The following CPPED1 variants were observed in gnomAD, a reference collection of about 807,000 sequenced individuals.
CPPED1 encodes the protein calcineurin like phosphoesterase domain containing 1.
A neutral mutation model predicts 28.0 loss-of-function variants in CPPED1; 28 were observed. The observed-to-expected ratio is 1.00, with a 90% CI of 0.74 to 1.37. The LOEUF (loss-of-function observed/expected upper bound fraction) is 1.37, where lower values mean the gene tolerates loss of function less well. CPPED1 is among the 40% of genes most tolerant of loss of function. The pLI, the probability that CPPED1 is intolerant of heterozygous loss-of-function variation, is 0.00. For missense variants in CPPED1, 504 were observed against 416.5 expected (o/e 1.21, Z -1.83); for synonymous variants, 198 against 180.2 (o/e 1.10, Z -0.79).
intron 1 of CPPED1, among the ~76,000 whole-genome samples, chr16:12,796,857 C>G (rs1194323563): frequency 6.6e-6 from 1 of 152,026 alleles, no homozygotes; most frequent in African/African-American, 2.4e-5. Context: ...AAAAAATGTC[C>G]AAATGTTTAT....
At chr16:12,733,264 C>T (rs1008226563) in intron 2 of CPPED1, among the ~76,000 whole-genome samples, 3 of 145,610 alleles carry the variant, frequency 2.1e-5, no homozygotes, top group Non-Finnish European at 3.0e-5. Flanking sequence ...TGATACGACC[C>T]GAATTAGGAA....
intron 2 of CPPED1, among the ~76,000 whole-genome samples, chr16:12,770,229 T>G (rs991788848): frequency 6.6e-6 from 1 of 152,146 alleles, no homozygotes; most frequent in African/African-American, 2.4e-5. Context: ...GTGCTCTCAG[T>G]GCAAATGGCG....
At chr16:12,701,503 C>T (rs1222938702) in intron 3 of CPPED1, among the ~76,000 whole-genome samples, 1 of 152,180 alleles carries the variant, frequency 6.6e-6, no homozygotes, top group African/African-American at 2.4e-5. Flanking sequence ...TGCCACTGCA[C>T]TACAGCCTGG....
intron 2 of CPPED1, among the ~76,000 whole-genome samples, chr16:12,763,239 A>C (rs2080420432): frequency 6.6e-6 from 1 of 151,670 alleles, no homozygotes; most frequent in African/African-American, 2.4e-5. Flanking sequence ...CCTTGAAAAA[A>C]AAAAAAAAGA....
chr16:12,708,633 T>C (rs2080064059), intron 2 of CPPED1, among the ~76,000 whole-genome samples: 1 of 152,242 alleles, frequency 6.6e-6, no homozygotes, highest in Non-Finnish European at 1.5e-5. Flanking sequence ...AAATCCTAGA[T>C]TACAAAAACC....
At chr16:12,712,133 C>G (rs1444028851) in intron 2 of CPPED1, among the ~76,000 whole-genome samples, 1 of 152,220 alleles carries the variant, frequency 6.6e-6, no homozygotes, top group Non-Finnish European at 1.5e-5. Flanking sequence ...GAGGCCACAC[C>G]TGTCCTGCAG....
At chr16:12,722,988 C>T (rs750137010) in intron 2 of CPPED1, among the ~76,000 whole-genome samples, 2 of 152,104 alleles carry the variant, frequency 1.3e-5, no homozygotes, top group Non-Finnish European at 2.9e-5. Context: ...CTCTCCTCAC[C>T]CCTATTTCAG....
chr16:12,723,749 G>A (rs2080154722), intron 2 of CPPED1, among the ~76,000 whole-genome samples: 1 of 152,174 alleles, frequency 6.6e-6, no homozygotes, highest in Non-Finnish European at 1.5e-5. Flanking sequence ...CTTACCTGAA[G>A]CCTCCTGATG....
intron 2 of CPPED1, among the ~76,000 whole-genome samples, chr16:12,736,412 G>A (rs777392321): frequency 6.6e-6 from 1 of 151,978 alleles, no homozygotes; most frequent in Admixed American, 6.6e-5. Context: ...GCTAATTTTT[G>A]TATTTTTAGT....
At chr16:12,755,409 G>A (rs1248564261) in intron 2 of CPPED1, among the ~76,000 whole-genome samples, 1 of 151,040 alleles carries the variant, frequency 6.6e-6, no homozygotes, top group East Asian at 2.0e-4. Flanking sequence ...AGCCTCCTGA[G>A]TAGCTGGGAC....
chr16:12,797,054 C>T (rs1426016466), intron 1 of CPPED1, among the ~76,000 whole-genome samples: 1 of 152,148 alleles, frequency 6.6e-6, no homozygotes, highest in Non-Finnish European at 1.5e-5. Flanking sequence ...AAAGGCCCAT[C>T]TATGGAGGTA....
chr16:12,726,411 C>A (rs893176569), intron 2 of CPPED1, among the ~76,000 whole-genome samples: 2 of 144,884 alleles, frequency 1.4e-5, no homozygotes, highest in African/African-American at 5.1e-5. Flanking sequence ...GGGGTGATCT[C>A]AGCTCACTAC....
chr16:12,759,163 TAAAAAAAAAAAAA>T (rs61373635), intron 2 of CPPED1: 4 of 74,364 alleles, frequency 5.4e-5, no homozygotes, highest in Non-Finnish European at 7.2e-5. Context: ...ACTCTGTCTC[TAAAAAAAAAAAAA>T]AAAAAAAAAA....
chr16:12,763,083 T>C (rs913634938), intron 2 of CPPED1, among the ~76,000 whole-genome samples: 2 of 151,684 alleles, frequency 1.3e-5, no homozygotes, highest in South Asian at 4.2e-4. Context: ...AATACAAAAA[T>C]TAGCCGGGTG....
intron 1 of CPPED1, among the ~76,000 whole-genome samples, chr16:12,796,236 G>C (rs1021509186): frequency 6.6e-6 from 1 of 152,056 alleles, no homozygotes; most frequent in Non-Finnish European, 1.5e-5. Flanking sequence ...GCTCATGCCT[G>C]TAATCCCAGC....
chr16:12,675,186 T>A (rs1397562629), intron 3 of CPPED1, among the ~76,000 whole-genome samples: 1 of 152,188 alleles, frequency 6.6e-6, no homozygotes, highest in Non-Finnish European at 1.5e-5. Context: ...GGGTATTGAT[T>A]TTAGTGATGT....
chr16:12,748,483 T>C (rs1031877120), intron 2 of CPPED1, among the ~76,000 whole-genome samples: 2 of 152,230 alleles, frequency 1.3e-5, no homozygotes, highest in African/African-American at 4.8e-5. Flanking sequence ...TATTGCAGAT[T>C]CAGTTCCAGG....
chr16:12,798,602 A>C (rs2080640838), intron 1 of CPPED1, among the ~76,000 whole-genome samples: 1 of 152,236 alleles, frequency 6.6e-6, no homozygotes, highest in South Asian at 2.1e-4. Context: ...TAGGAATGAA[A>C]TGTCTGGGAA....
chr16:12,749,883 C>G (rs920069129), intron 2 of CPPED1, among the ~76,000 whole-genome samples: 10 of 152,188 alleles, frequency 6.6e-5, no homozygotes, highest in African/African-American at 1.4e-4. Context: ...AGGCACCGCG[C>G]CTGGCAGAAT....
Sources: allele counts gnomAD v4.1 joint callset (sites outside exome capture counted in the v4.1 genomes callset), GRCh38; gene constraint gnomAD v4.1.1; transcripts MANE v1.5; gene names NCBI Gene and HGNC (gene_info 2026-07-23, HGNC 2026-07-21).